FAF1: variants seen among roughly 807,000 people sequenced by gnomAD.
FAF1 encodes the protein Fas associated factor 1, also known as FAS-associated factor 1.
In FAF1, 25 loss-of-function variants were observed where a neutral mutation model predicts 92.5. The observed-to-expected ratio is 0.27, with a 90% CI of 0.20 to 0.38. The LOEUF is 0.38. Among genes scored for constraint, FAF1 ranks in the 10% least tolerant of loss-of-function variants. FAF1 has a pLI of 1.00. For synonymous variants in FAF1, 234 were observed against 273.2 expected, an observed-to-expected ratio of 0.86 and a Z score of 1.42; for missense variants, 636 against 793.3, an observed-to-expected ratio of 0.80 and a Z score of 2.38.
At chr1:50,823,502 T>C (rs1228804413) in intron 2 of FAF1, among the ~76,000 whole-genome samples, 1 of 152,062 alleles carries the variant, frequency 6.6e-6, no homozygotes, top group African/African-American at 2.4e-5. Context: ...TCTGGCCAGG[T>C]CAAAAATCTC....
intron 18 of FAF1, among the ~76,000 whole-genome samples, chr1:50,459,153 T>C (rs1262839658): frequency 6.6e-6 from 1 of 152,070 alleles, no homozygotes; most frequent in African/African-American, 2.4e-5. Flanking sequence ...TTTTTATTTT[T>C]AGTAGAGACG....
At chr1:50,775,922 T>C (rs955608240) in intron 4 of FAF1, among the ~76,000 whole-genome samples, 9 of 152,034 alleles carry the variant, frequency 5.9e-5, no homozygotes, top group Non-Finnish European at 1.3e-4. Context: ...ACAGAGAAAG[T>C]ATATAACATG....
intron 4 of FAF1, among the ~76,000 whole-genome samples, chr1:50,761,681 A>T (rs1660333375): frequency 6.6e-6 from 1 of 152,256 alleles, no homozygotes; most frequent in Non-Finnish European, 1.5e-5. Flanking sequence ...TATTGATGGG[A>T]CGTATCTCAA....
At position 50,457,865 on chromosome 1, in the gene FAF1, C is replaced by CAAA. The variant is rs78520067; in HGVS notation, c.1870-16345_1870-16343dup. 3.7e-3 allele frequency among the ~76,000 whole-genome samples: 221 copies of CAAA among 59,440 alleles called. 1 individual carries two copies. The highest frequency in any genetic ancestry group is 0.013 in the African/African-American group (208 of 16,238). The allele number at this position is 59,440 out of a possible 152,430, so 39.0% of individuals were successfully genotyped here. On this transcript the variant is annotated intron_variant, in intron 18 of 18. Coordinates refer to ENST00000396153, the MANE Select transcript of FAF1 (RefSeq NM_007051.3). ...GGGTGACAGAGTAAGACCCTGTCTC[C>CAAA]AAAAAAAAAAAAAAAAAAAGGTAAA...
chr1:50,945,249 T>C (rs552828333), intron 1 of FAF1, among the ~76,000 whole-genome samples: 1 of 152,228 alleles, frequency 6.6e-6, no homozygotes, highest in South Asian at 2.1e-4. Flanking sequence ...AGGGTCACGA[T>C]GGCGTGGCCA....
chr1:50,679,242 G>A (rs1656313855), intron 7 of FAF1, among the ~76,000 whole-genome samples: 1 of 151,718 alleles, frequency 6.6e-6, no homozygotes. Flanking sequence ...GTAGTTACAG[G>A]CTTTGAATAT....
At chr1:50,725,893 C>T (rs1658628231) in intron 6 of FAF1, among the ~76,000 whole-genome samples, 1 of 152,074 alleles carries the variant, frequency 6.6e-6, no homozygotes, top group Non-Finnish European at 1.5e-5. Context: ...ACCCAGAGGC[C>T]ACAGAAGACA....
At chr1:50,637,750 T>G (rs1369352069) in intron 8 of FAF1, among the ~76,000 whole-genome samples, 1 of 151,532 alleles carries the variant, frequency 6.6e-6, no homozygotes, top group African/African-American at 2.4e-5. Flanking sequence ...TACACATATA[T>G]ATATAGTAAT....
At chr1:50,516,448 C>G (rs531827344) in intron 15 of FAF1, among the ~76,000 whole-genome samples, 12 of 152,078 alleles carry the variant, frequency 7.9e-5, no homozygotes, top group Non-Finnish European at 1.5e-4. Context: ...CCCTGTATAC[C>G]TTGGCTTGGA....
At chr1:50,953,626 C>G (rs1353009422) in intron 1 of FAF1, among the ~76,000 whole-genome samples, 1 of 151,708 alleles carries the variant, frequency 6.6e-6, no homozygotes, top group African/African-American at 2.4e-5. Context: ...GTAATCCCAG[C>G]TACTTGGGAG....
chr1:50,706,595 TA>T, intron 6 of FAF1, among the ~76,000 whole-genome samples: 1 of 152,066 alleles, frequency 6.6e-6, no homozygotes. Context: ...CTGTCAATTA[TA>T]TCAAATTCCA....
At chr1:50,926,620 T>C (rs1645008183) in intron 1 of FAF1, among the ~76,000 whole-genome samples, 1 of 152,102 alleles carries the variant, frequency 6.6e-6, no homozygotes, top group Non-Finnish European at 1.5e-5. Context: ...GTGAAGGATA[T>C]GCTAATTACT....
intron 17 of FAF1, among the ~76,000 whole-genome samples, chr1:50,480,716 C>G (rs1646690793): frequency 6.6e-6 from 1 of 152,160 alleles, no homozygotes; most frequent in African/African-American, 2.4e-5. Flanking sequence ...TATAACGGAG[C>G]TGAAAAATTC....
intron 1 of FAF1, among the ~76,000 whole-genome samples, chr1:50,943,567 T>C (rs1441545594): frequency 1.3e-5 from 2 of 152,164 alleles, no homozygotes; most frequent in Non-Finnish European, 2.9e-5. Context: ...CATTGGTTAG[T>C]TCAGTTAAAA....
intron 4 of FAF1, among the ~76,000 whole-genome samples, chr1:50,750,529 A>G (rs1177656796): frequency 6.6e-6 from 1 of 151,390 alleles, no homozygotes; most frequent in Non-Finnish European, 1.5e-5. Context: ...GCCTGCCCCT[A>G]CTCACACTGA....
chr1:50,571,988 G>GT (rs143778922), intron 12 of FAF1, among the ~76,000 whole-genome samples: 11,157 of 152,244 alleles, frequency 0.073, 446 homozygotes, highest in East Asian at 0.093. Context: ...GTAGTTCATA[G>GT]TTTTTTTCAG....
intron 9 of FAF1, among the ~76,000 whole-genome samples, chr1:50,589,857 T>A (rs1651420902): frequency 1.3e-5 from 2 of 152,362 alleles, no homozygotes; most frequent in South Asian, 4.1e-4. Context: ...GTTTTGCATA[T>A]GATATTAGGT....
chr1:50,574,949 C>A (rs1221370575), intron 12 of FAF1, among the ~76,000 whole-genome samples: 1 of 139,104 alleles, frequency 7.2e-6, no homozygotes, highest in African/African-American at 2.7e-5. Context: ...CGCTCTGTCA[C>A]CCAGGCTGGA....
intron 18 of FAF1, among the ~76,000 whole-genome samples, chr1:50,472,510 T>C (rs1195414216): frequency 3.3e-5 from 5 of 151,984 alleles, no homozygotes; most frequent in East Asian, 1.9e-4. Context: ...TTGGTTGTCC[T>C]ACAGTGCTCA....
Sources: gnomAD v4.1 joint callset for allele counts (sites outside exome capture counted in the v4.1 genomes callset) on GRCh38, gnomAD v4.1.1 for gene constraint, MANE v1.5 for transcripts, NCBI Gene and HGNC (gene_info 2026-07-23, HGNC 2026-07-21) for gene names.